ZNF273: variants seen among roughly 807,000 people sequenced by gnomAD.
ZNF273 encodes zinc finger protein 9.
Under a neutral mutation model 14.9 loss-of-function variants are expected in ZNF273, and 11 were observed. The ratio of observed to expected loss-of-function variants is 0.74; its 90% confidence interval spans 0.46 to 1.22. The LOEUF (loss-of-function observed/expected upper bound fraction) is 1.22. ZNF273 is among the 50% of genes most tolerant of loss of function. The pLI is 0.00. For missense variants in ZNF273, 577 were observed against 660.6 expected (o/e 0.87, Z 1.39); for synonymous variants, 199 against 223.9 (o/e 0.89, Z 0.99).
intron 3 of ZNF273, among the ~76,000 whole-genome samples, chr7:64,921,911 G>C (rs937519330): frequency 6.6e-6 from 1 of 152,000 alleles, no homozygotes; most frequent in African/African-American, 2.4e-5. Context: ...TTACAGGTGA[G>C]AGCTACCATG....
chr7:64,935,298 G>C (rs1795050419), downstream of ZNF273, among the ~76,000 whole-genome samples: 1 of 152,118 alleles, frequency 6.6e-6, no homozygotes, highest in African/African-American at 2.4e-5. Context: ...TTAATACTAT[G>C]TTTAATAAGA....
downstream of ZNF273, chr7:64,933,381 T>C (rs1281122008): frequency 2.0e-5 from 3 of 152,240 alleles, no homozygotes; most frequent in South Asian, 2.1e-4. Flanking sequence ...TGGAAAACTT[T>C]TGGAGATCAG....
exon 2 of ZNF273, chr7:64,888,637 TCTGTTTTCTGCCCCTGA>T: frequency 1.0e-6 from 1 of 985,600 alleles, no homozygotes; most frequent in Non-Finnish European, 1.2e-6. Flanking sequence ...GCGGCCTGGA[TCTGTTTTCTGCCCCTGA>T]CCAGGGGGCC....
chr7:64,914,125 AG>A, intron 1 of ZNF273, among the ~76,000 whole-genome samples: 1 of 147,176 alleles, frequency 6.8e-6, no homozygotes. Flanking sequence ...CTCCCACCTC[AG>A]CCTCCCCAGT....
chr7:64,878,223 G>C lies in ZNF273; in HGVS notation n.216-158G>C, dbSNP rs79116986. ...TCCTGAAACTGTGGTGAAGTGGGGG[G>C]ACTGGCTGAGACACCAGGGGTTCAA... On this transcript the variant is annotated intron_variant and non_coding_transcript_variant, in intron 1 of 2. Transcript: ENST00000465954. 9.2e-3 allele frequency among the ~76,000 whole-genome samples: 1,393 copies of C among 151,442 alleles called. 16 individuals carry two copies. The highest frequency in any genetic ancestry group is 0.032 in the African/African-American group (1,324 of 40,792).
chr7:64,902,484 C>A (rs1234211938), upstream of ZNF273, among the ~76,000 whole-genome samples: 1 of 152,232 alleles, frequency 6.6e-6, no homozygotes. Context: ...AATCCCAGCA[C>A]TTTGGGAAGC....
At chr7:64,897,143 A>G (rs1206737293) in intron 3 of ZNF273, among the ~76,000 whole-genome samples, 1 of 152,132 alleles carries the variant, frequency 6.6e-6, no homozygotes, top group Non-Finnish European at 1.5e-5. Flanking sequence ...TATGTCTCTT[A>G]CCTTAACATG....
intron 1 of ZNF273, chr7:64,917,181 C>T (rs1042423577): frequency 1.2e-5 from 12 of 1,041,362 alleles, no homozygotes; most frequent in Non-Finnish European, 1.5e-5. Context: ...AGAAAATCTG[C>T]ATAACAAGAT....
At chr7:64,884,447 T>C (rs1199420574), downstream of ZNF273, among the ~76,000 whole-genome samples, 1 of 152,110 alleles carries the variant, frequency 6.6e-6, no homozygotes, top group Non-Finnish European at 1.5e-5. Context: ...CCCCAGACGG[T>C]TTCTGAAACT....
intron 1 of ZNF273, among the ~76,000 whole-genome samples, chr7:64,907,672 G>A (rs1226468581): frequency 6.6e-6 from 1 of 152,166 alleles, no homozygotes; most frequent in African/African-American, 2.4e-5. Context: ...GTTGGTGTTA[G>A]AGAATTGCTT....
downstream of ZNF273, among the ~76,000 whole-genome samples, chr7:64,892,204 A>T (rs1792076157): frequency 2.0e-5 from 3 of 152,226 alleles, no homozygotes; most frequent in African/African-American, 7.2e-5. Flanking sequence ...AGACAAAAAA[A>T]ACAGTATTCA....
At chr7:64,912,826 G>GTTTTTTTTTTT (rs71061324) in intron 1 of ZNF273, among the ~76,000 whole-genome samples, 4,609 of 36,128 alleles carry the variant, frequency 0.13, 1,108 homozygotes, top group South Asian at 0.22. Context: ...ATTCATTTTA[G>GTTTTTTTTTTT]TTTTTTTTTT....
intron 1 of ZNF273, among the ~76,000 whole-genome samples, chr7:64,905,883 C>T (rs1239835719): frequency 6.6e-6 from 1 of 152,066 alleles, no homozygotes; most frequent in Admixed American, 6.6e-5. Flanking sequence ...TTGTAAGTTG[C>T]ATTTTATTAG....
intron 1 of ZNF273, among the ~76,000 whole-genome samples, chr7:64,887,797 C>CT (rs779641845): frequency 0.022 from 3,171 of 143,446 alleles, 62 homozygotes; most frequent in African/African-American, 0.045. Flanking sequence ...CGTGCCCTGT[C>CT]TTTTTTTTTT....
intron 1 of ZNF273, among the ~76,000 whole-genome samples, chr7:64,886,523 G>A (rs1042630873): frequency 3.9e-5 from 6 of 152,286 alleles, no homozygotes; most frequent in South Asian, 4.1e-4. Context: ...CCTGGTGCAG[G>A]GCTAAGAAAT....
intron 1 of ZNF273, among the ~76,000 whole-genome samples, chr7:64,905,637 G>A (rs1479820062): frequency 1.3e-5 from 2 of 152,124 alleles, no homozygotes; most frequent in African/African-American, 2.4e-5. Context: ...TTACTCCAGT[G>A]AGATGGTGCA....
Position 64,928,218 on chromosome 7 carries a change from A to T in ZNF273, c.890A>T (p.Lys297Ile). Residue 297 changes from lysine to isoleucine, a missense_variant, in exon 4 of 4, where the codon AAA (lysine) becomes ATA (isoleucine). Transcript: ENST00000476120. ...EKPYKCEDCG[K>I]VFSVFSVLTK... ...CCTTACAAATGTGAAGATTGTGGCA[A>T]AGTCTTTAGTGTATTTTCAGTCCTT... 6.2e-7 allele frequency: 1 copy of T among 1,613,416 alleles called. No individual in the cohort carries two copies. Among genetic ancestry groups the T allele is most frequent in the Non-Finnish European group, 8.5e-7 (1 of 1,179,782 alleles).
intron 3 of ZNF273, among the ~76,000 whole-genome samples, chr7:64,925,101 C>T (rs1356258656): frequency 2.6e-5 from 4 of 151,574 alleles, no homozygotes; most frequent in African/African-American, 7.3e-5. Flanking sequence ...CGTGCCTGGC[C>T]GATTTTTCAA....
chr7:64,919,138 T>G (rs555352918), intron 3 of ZNF273, among the ~76,000 whole-genome samples: 1 of 152,334 alleles, frequency 6.6e-6, no homozygotes, highest in East Asian at 1.9e-4. Context: ...AAGATTGCTT[T>G]GGCTATTCAA....
Sources: gnomAD v4.1 joint callset for allele counts (sites outside exome capture counted in the v4.1 genomes callset) on GRCh38, gnomAD v4.1.1 for gene constraint, MANE v1.5 for transcripts, NCBI Gene and HGNC (gene_info 2026-07-23, HGNC 2026-07-21) for gene names.